SERPINI1: variants seen among roughly 807,000 people sequenced by gnomAD.
SERPINI1 encodes the protein serpin family I member 1.
SERPINI1 carries 19 observed loss-of-function variants against 41.1 expected under a neutral mutation model. That is an observed-to-expected ratio of 0.46 (90% CI 0.32 to 0.68). SERPINI1 has a LOEUF of 0.68. Ranked by LOEUF, SERPINI1 falls within the 30% of genes least tolerant of loss-of-function variation. SERPINI1 has a pLI of 0.03. For synonymous variants in SERPINI1, 138 were observed against 156.6 expected (o/e 0.88, Z 0.89); for missense variants, 460 against 479.2 (o/e 0.96, Z 0.37).
At chr3:167,787,375 G>A (rs1213119535) in intron 1 of SERPINI1, among the ~76,000 whole-genome samples, 1 of 152,218 alleles carries the variant, frequency 6.6e-6, no homozygotes, top group Non-Finnish European at 1.5e-5. Flanking sequence ...GTATGTAATT[G>A]TGCTATACTT....
chr3:167,748,399 A>G lies in SERPINI1; in HGVS notation c.-19+12576A>G, dbSNP rs540929192. Among the ~76,000 whole-genome samples the G allele has an allele frequency of 3.5e-3, 526 of 152,328 alleles. 3 individuals carry two copies. The highest frequency in any genetic ancestry group is 0.012 in the African/African-American group (485 of 41,574). On this transcript the variant is annotated intron_variant, in intron 1 of 8. Coordinates refer to ENST00000446050, the MANE Select transcript of SERPINI1 (RefSeq NM_001122752.2). Reference sequence around the variant, plus strand: ...TTTAAGGTCAAGGAAGGTAATTTATATTGATAAAGGTGTAATGCATAGTGA... The same window carrying G: ...TTTAAGGTCAAGGAAGGTAATTTATGTTGATAAAGGTGTAATGCATAGTGA...
chr3:167,776,228 G>A (rs1393692323), intron 1 of SERPINI1, among the ~76,000 whole-genome samples: 1 of 152,194 alleles, frequency 6.6e-6, no homozygotes, highest in Non-Finnish European at 1.5e-5. Flanking sequence ...GCTGAGTTTT[G>A]TCTTAGGGCT....
At chr3:167,746,366 A>C (rs1432265535) in intron 1 of SERPINI1, among the ~76,000 whole-genome samples, 1 of 152,192 alleles carries the variant, frequency 6.6e-6, no homozygotes, top group East Asian at 1.9e-4. Flanking sequence ...ATTATACAGT[A>C]GTTTCTTAGA....
At chr3:167,759,400 G>GTAGATATATATATATATA (rs1726300710) in intron 1 of SERPINI1, among the ~76,000 whole-genome samples, 1 of 121,118 alleles carries the variant, frequency 8.3e-6, no homozygotes, top group Admixed American at 8.1e-5. Flanking sequence ...AGAAAATGTG[G>GTAGATATATATATATATA]TATATATATA....
At chr3:167,801,095 G>A (rs1353577149) in intron 5 of SERPINI1, among the ~76,000 whole-genome samples, 1 of 152,252 alleles carries the variant, frequency 6.6e-6, no homozygotes, top group Non-Finnish European at 1.5e-5. Context: ...TGGGATTACA[G>A]GCATGGGCCA....
In SERPINI1 at chr3:167,805,052, A is replaced by G. The variant is rs978673641; in HGVS notation, c.882-2192A>G. 2.6e-5 allele frequency among the ~76,000 whole-genome samples: 4 copies of G among 152,148 alleles called. 1 individual carries two copies. Among genetic ancestry groups the G allele is most frequent in the Non-Finnish European group, 5.9e-5 (4 of 68,032 alleles). ...TAAAATAATGTTTTATTTTTTCAAA[A>G]TTGATACACATTTATATATAATAAT... On this transcript the variant is annotated intron_variant, in intron 5 of 8. Transcript: ENST00000446050.
At chr3:167,769,051 TG>T (rs1242415305) in intron 1 of SERPINI1, among the ~76,000 whole-genome samples, 2 of 152,108 alleles carry the variant, frequency 1.3e-5, no homozygotes, top group African/African-American at 4.8e-5. Context: ...TGGAGTGCAG[TG>T]GCATGATCTC....
At chr3:167,793,596 A>ATATTT in intron 4 of SERPINI1, among the ~76,000 whole-genome samples, 1,577 of 140,578 alleles carry the variant, frequency 0.011, 9 homozygotes, top group Non-Finnish European at 0.016. Context: ...ATATATATAT[A>ATATTT]TTTTTAATTA....
intron 3 of SERPINI1, among the ~76,000 whole-genome samples, 187 bp from the exon 4 acceptor site, chr3:167,792,403 A>AGTGTAT (rs1727556604): frequency 6.6e-6 from 1 of 151,168 alleles, no homozygotes; most frequent in African/African-American, 2.4e-5. Flanking sequence ...ATATATATGT[A>AGTGTAT]GTGTGTGTGT....
chr3:167,763,773 T>C (rs1577405196), intron 1 of SERPINI1, among the ~76,000 whole-genome samples: 1 of 152,304 alleles, frequency 6.6e-6, no homozygotes, highest in East Asian at 1.9e-4. Flanking sequence ...AACTGGATTT[T>C]AACCATCTCC....
At chr3:167,811,999 A>G (rs1295248076) in intron 6 of SERPINI1, among the ~76,000 whole-genome samples, 1 of 152,064 alleles carries the variant, frequency 6.6e-6, no homozygotes, top group Admixed American at 6.5e-5. Context: ...CAGTGGGGAA[A>G]AATAAAACCT....
rs1560008778 is a variant in SERPINI1 at position 167,789,370 on chromosome 3, T to C, written c.242T>C (p.Leu81Pro). The change falls in exon 2 of 9, where the codon CTA becomes CCA. Residue 81 changes from leucine (L) to proline (P), a missense_variant. By Grantham distance (98) the Leu-to-Pro change is moderately conservative (BLOSUM62 -3). Coordinates refer to ENST00000446050, the MANE Select transcript of SERPINI1 (RefSeq NM_001122752.2). ...CGCCACTCAATGGGATATGACAGCC[T>C]AAAAAATGGTAAGAGTGATCAGGTT... ...EIRHSMGYDS[L>P]KNGEEFSFLK... 4.3e-6 allele frequency: 7 copies of C among 1,614,000 alleles called. No homozygotes were observed. Among genetic ancestry groups the C allele is most frequent in the Non-Finnish European group, 5.9e-6 (7 of 1,179,908 alleles).
intron 5 of SERPINI1, among the ~76,000 whole-genome samples, chr3:167,805,100 A>G (rs1321598308): frequency 6.6e-6 from 1 of 152,186 alleles, no homozygotes; most frequent in Non-Finnish European, 1.5e-5. Flanking sequence ...TTAAAACAAA[A>G]ATAAAGACCC....
intron 1 of SERPINI1, among the ~76,000 whole-genome samples, chr3:167,744,799 T>C (rs1725808817): frequency 7.8e-6 from 1 of 128,336 alleles, no homozygotes; most frequent in Non-Finnish European, 1.6e-5. Context: ...TATATATATA[T>C]ATAATATATA....
intron 5 of SERPINI1, among the ~76,000 whole-genome samples, chr3:167,804,822 G>A (rs1226933931): frequency 6.6e-6 from 1 of 152,128 alleles, no homozygotes; most frequent in African/African-American, 2.4e-5. Flanking sequence ...TAGCCTGGGT[G>A]ACAGAGTGAA....
Position 167,789,463 on chromosome 3 carries a change from A to G in SERPINI1, c.250+85A>G, listed in dbSNP as rs1268042848. The stretch of plus-strand genomic sequence containing the variant: ...TTGTATTCTTATTCTAGACACAGCA[A>G]TATTTACACAGGGTAAAAAACAATC... On this transcript the variant is annotated intron_variant, in intron 2 of 8. Coordinates refer to ENST00000446050, the MANE Select transcript of SERPINI1 (RefSeq NM_001122752.2). The G allele has an allele frequency of 4.7e-6, 7 of 1,484,564 alleles. 1 individual carries two copies. The Admixed American group carries it at 5.0e-5, about 11-fold the overall frequency. The allele number at this position is 1,484,564 out of a possible 1,614,324, so 92.0% of individuals were successfully genotyped here.
chr3:167,747,299 G>A (rs924916379), intron 1 of SERPINI1, among the ~76,000 whole-genome samples: 2 of 152,126 alleles, frequency 1.3e-5, no homozygotes, highest in African/African-American at 4.8e-5. Flanking sequence ...GTGATGAAAT[G>A]GTCTAAAATT....
At position 167,825,105 on chromosome 3, in the gene SERPINI1, A is replaced by T. The variant is rs937580805; in HGVS notation, c.1157-142A>T. On this transcript the variant is annotated intron_variant, in intron 8 of 8. Coordinates refer to ENST00000446050, the MANE Select transcript of SERPINI1 (RefSeq NM_001122752.2). ...GGGAAAAGGAAGGAAGAGAGAGAGG[A>T]AGGAAGGAAGGACAGGAGGAAGGAA... The T allele has an allele frequency of 8.6e-6, 6 of 694,712 alleles. No homozygotes were observed. In the East Asian group the frequency reaches 1.6e-4, roughly 19 times the overall value. 43.0% of individuals were successfully genotyped at this position (694,712 alleles called of 1,614,324 possible). A position where few individuals can be genotyped will look rare whatever the true frequency, so the allele number is the denominator to read the frequency against.
At chr3:167,745,524 A>C (rs1198914329) in intron 1 of SERPINI1, among the ~76,000 whole-genome samples, 1 of 152,072 alleles carries the variant, frequency 6.6e-6, no homozygotes, top group East Asian at 1.9e-4. Context: ...CAAGGATGTC[A>C]GCTCTCACAC....
Sources: allele counts gnomAD v4.1 joint callset (sites outside exome capture counted in the v4.1 genomes callset), GRCh38; gene constraint gnomAD v4.1.1; transcripts MANE v1.5; gene names NCBI Gene and HGNC (gene_info 2026-07-23, HGNC 2026-07-21).